The following LY96 variants were observed in gnomAD, a reference collection of about 807,000 sequenced individuals.
LY96 encodes the protein myeloid differentiation protein-2.
A neutral mutation model predicts 18.9 loss-of-function variants in LY96; 18 were observed. That is an observed-to-expected ratio of 0.95 (90% CI 0.66 to 1.41). The LOEUF is 1.41. LY96 is among the 40% of genes most tolerant of loss of function. The probability of loss-of-function intolerance (pLI) is 0.00; values close to 1 mark genes in which losing one functional copy is unlikely to be tolerated. For missense variants in LY96, 175 were observed against 182.4 expected, an observed-to-expected ratio of 0.96 and a Z score of 0.23; for synonymous variants, 66 against 62.6, an observed-to-expected ratio of 1.06 and a Z score of -0.26.
At chr8:74,072,411 T>C in the LY96 span, among the ~76,000 whole-genome samples, 1 of 152,204 alleles carries the variant, frequency 6.6e-6, no homozygotes, top group Non-Finnish European at 1.5e-5. Flanking sequence ...TTATTTGTTC[T>C]TTTTCCACTT....
chr8:74,056,059 T>C, the LY96 span: 1 of 158,192 alleles, frequency 6.3e-6, no homozygotes, highest in Admixed American at 6.5e-5. Flanking sequence ...AAACTGCATC[T>C]GTTGGCCTCA....
At chr8:74,021,454 T>G (rs1157326044) in intron 3 of LY96, among the ~76,000 whole-genome samples, 1 of 152,174 alleles carries the variant, frequency 6.6e-6, no homozygotes, top group Non-Finnish European at 1.5e-5. Context: ...GAAATAGGAA[T>G]GCTTTTACAC....
the LY96 span, among the ~76,000 whole-genome samples, chr8:74,057,892 A>G: frequency 6.6e-6 from 1 of 152,228 alleles, no homozygotes; most frequent in Non-Finnish European, 1.5e-5. Flanking sequence ...AAAATGCGGA[A>G]TAGAAGGGAT....
At chr8:74,056,580 T>A in the LY96 span, 1 of 159,740 alleles carries the variant, frequency 6.3e-6, no homozygotes, top group South Asian at 1.6e-4. Context: ...GAAAAGCTAC[T>A]GGGGATGAGA....
the LY96 span, among the ~76,000 whole-genome samples, chr8:74,080,298 C>T: frequency 6.6e-6 from 1 of 152,116 alleles, no homozygotes; most frequent in African/African-American, 2.4e-5. Flanking sequence ...TGGTATATTC[C>T]CAAGCCCTGA....
chr8:74,040,267 A>G, the LY96 span, among the ~76,000 whole-genome samples: 2 of 152,234 alleles, frequency 1.3e-5, no homozygotes, highest in African/African-American at 2.4e-5. Flanking sequence ...TCTTAATCTA[A>G]CTATTTTCTT....
the LY96 span, among the ~76,000 whole-genome samples, chr8:74,097,716 ATAAATAAATAAG>A: frequency 0.092 from 13,933 of 151,666 alleles, 903 homozygotes; most frequent in African/African-American, 0.19. Flanking sequence ...AAATAAATAA[ATAAATAAATAAG>A]TAAATAAATA....
At chr8:74,009,757 G>A (rs1164733795) in intron 2 of LY96, among the ~76,000 whole-genome samples, 1 of 152,138 alleles carries the variant, frequency 6.6e-6, no homozygotes, top group Non-Finnish European at 1.5e-5. Flanking sequence ...TTTTTAGGCA[G>A]AGCATGCATA....
chr8:74,023,302 C>T (rs1242160036), intron 3 of LY96, among the ~76,000 whole-genome samples: 2 of 152,248 alleles, frequency 1.3e-5, no homozygotes, highest in East Asian at 3.9e-4. Flanking sequence ...CAGTGGCTGC[C>T]CTACCTGGGC....
rs1308447387 is a variant in LY96, at chr8:74,010,055, A to G, written c.257A>G (p.Asn86Ser). 6.2e-7 allele frequency: 1 copy of G among 1,611,476 alleles called. No homozygotes were observed. Among genetic ancestry groups the G allele is most frequent in the African/African-American group, 1.3e-5 (1 of 75,012 alleles). ...FNLYITVNTM[N>S]LPKRKEVICR... Reference sequence around the variant, plus strand: ...CTCTATATAACTGTCAACACCATGAATCTTCCAAAGCGCAAAGAAGTTATT... The same window carrying G: ...CTCTATATAACTGTCAACACCATGAGTCTTCCAAAGCGCAAAGAAGTTATT... Residue 86 changes from asparagine (N) to serine (S), a missense_variant, in exon 3 of 5, where the codon AAT (asparagine) becomes AGT (serine). By Grantham distance (46) the Asn-to-Ser change is conservative. Coordinates refer to ENST00000284818, the MANE Select transcript of LY96 (RefSeq NM_015364.5).
chr8:74,017,553 A>G (rs1341354303), intron 3 of LY96, among the ~76,000 whole-genome samples: 3 of 152,178 alleles, frequency 2.0e-5, no homozygotes, highest in African/African-American at 4.8e-5. Context: ...TACAGAGAAC[A>G]CCACAAGGTA....
chr8:73,991,828 T>G (rs891814012), intron 1 of LY96, among the ~76,000 whole-genome samples: 1 of 152,154 alleles, frequency 6.6e-6, no homozygotes, highest in Non-Finnish European at 1.5e-5. Flanking sequence ...TGAGCCCAGT[T>G]TTTGGTTCTG....
intron 1 of LY96, among the ~76,000 whole-genome samples, chr8:73,994,048 G>A (rs1413547584): frequency 6.6e-6 from 1 of 151,552 alleles, no homozygotes; most frequent in Non-Finnish European, 1.5e-5. Context: ...GCAGTAGTAC[G>A]ATCTCAGCTC....
chr8:74,000,079 C>T (rs765712797), intron 1 of LY96, among the ~76,000 whole-genome samples: 1 of 152,148 alleles, frequency 6.6e-6, no homozygotes, highest in Non-Finnish European at 1.5e-5. Context: ...TCACATATGA[C>T]CTTGTCCTCA....
the LY96 span, among the ~76,000 whole-genome samples, chr8:74,063,450 T>TA: frequency 6.6e-6 from 1 of 152,042 alleles, no homozygotes; most frequent in Non-Finnish European, 1.5e-5. Flanking sequence ...CCTTTGTGTT[T>TA]AAAAAAAATT....
chr8:74,054,547 CCTTCCTTCCTTCCTTT>C, the LY96 span, among the ~76,000 whole-genome samples: 3 of 96,548 alleles, frequency 3.1e-5, no homozygotes, highest in African/African-American at 1.6e-4. Flanking sequence ...TTCCTTCCTT[CCTTCCTTCCTTCCTTT>C]CTTCCCTCCC....
intron 1 of LY96, among the ~76,000 whole-genome samples, chr8:73,999,653 C>T (rs936074320): frequency 7.9e-5 from 12 of 152,128 alleles, no homozygotes; most frequent in African/African-American, 2.9e-4. Context: ...TTAGTTCTAA[C>T]AACTTTTTTA....
At chr8:74,019,378 C>A (rs542858740) in intron 3 of LY96, among the ~76,000 whole-genome samples, 1 of 152,014 alleles carries the variant, frequency 6.6e-6, no homozygotes, top group African/African-American at 2.4e-5. Flanking sequence ...AGGAAGAAGT[C>A]GAATCCCTGA....
intron 1 of LY96, among the ~76,000 whole-genome samples, chr8:73,996,361 C>CA (rs1563707695): frequency 8.8e-4 from 77 of 87,864 alleles, no homozygotes; most frequent in African/African-American, 2.8e-3. Context: ...TCCTTCCTTC[C>CA]TTCCTTCATT....
Sources: gnomAD v4.1 joint callset for allele counts (sites outside exome capture counted in the v4.1 genomes callset) on GRCh38, gnomAD v4.1.1 for gene constraint, MANE v1.5 for transcripts, NCBI Gene and HGNC (gene_info 2026-07-23, HGNC 2026-07-21) for gene names.